Variants in LMAN1 observed in about 807,000 individuals in gnomAD.
LMAN1 encodes protein ERGIC-53.
LMAN1 carries 32 observed loss-of-function variants against 67.8 expected under a neutral mutation model. The ratio of observed to expected loss-of-function variants is 0.47; its 90% confidence interval spans 0.36 to 0.63. The LOEUF (loss-of-function observed/expected upper bound fraction) is 0.63. Among genes scored for constraint, LMAN1 ranks in the 30% least tolerant of loss-of-function variants. LMAN1 has a pLI of 0.00. For synonymous variants in LMAN1, 235 were observed against 219.3 expected (o/e 1.07, Z -0.63); for missense variants, 632 against 628.2 (o/e 1.01, Z -0.06).
chr18:59,335,572 T>G (rs549626480), intron 10 of LMAN1, among the ~76,000 whole-genome samples: 1 of 151,652 alleles, frequency 6.6e-6, no homozygotes, highest in Non-Finnish European at 1.5e-5. Flanking sequence ...AAGGGGAGGA[T>G]GGGAAAGTGG....
At chr18:59,358,346 C>T (rs1408114463) in intron 1 of LMAN1, among the ~76,000 whole-genome samples, 1 of 152,166 alleles carries the variant, frequency 6.6e-6, no homozygotes, top group African/African-American at 2.4e-5. Flanking sequence ...AAAAATATAT[C>T]CCTTCTCCTA....
chr18:59,344,759 T>C (rs946593356), intron 8 of LMAN1, among the ~76,000 whole-genome samples: 1 of 152,058 alleles, frequency 6.6e-6, no homozygotes, highest in Non-Finnish European at 1.5e-5. Context: ...GACACAAGCA[T>C]ATAAGAAATC....
chr18:59,346,979 C>T (rs1311206373), intron 7 of LMAN1, among the ~76,000 whole-genome samples: 1 of 151,744 alleles, frequency 6.6e-6, no homozygotes, highest in Non-Finnish European at 1.5e-5. Context: ...ACCTGTAATC[C>T]CAGCACTTTG....
At chr18:59,336,675 G>A (rs1391530994) in intron 10 of LMAN1, among the ~76,000 whole-genome samples, 1 of 152,124 alleles carries the variant, frequency 6.6e-6, no homozygotes, top group Admixed American at 6.6e-5. Context: ...CTTGAGCCCA[G>A]GAGTTTGAGA....
At chr18:59,342,232 T>C (rs1908304617) in intron 8 of LMAN1, among the ~76,000 whole-genome samples, 1 of 152,050 alleles carries the variant, frequency 6.6e-6, no homozygotes, top group South Asian at 2.1e-4. Context: ...GACTTATAGC[T>C]GAATTCTATC....
At chr18:59,335,299 G>A (rs138660858) in intron 10 of LMAN1, among the ~76,000 whole-genome samples, 1 of 152,194 alleles carries the variant, frequency 6.6e-6, no homozygotes, top group African/African-American at 2.4e-5. Flanking sequence ...CAGGCATGGT[G>A]TCAGGTGCCT....
intron 8 of LMAN1, among the ~76,000 whole-genome samples, chr18:59,340,473 G>T (rs1304767677): frequency 6.6e-6 from 1 of 151,880 alleles, no homozygotes; most frequent in Non-Finnish European, 1.5e-5. Context: ...GAAAGGAATG[G>T]GCATTCTCAA....
chr18:59,336,670 G>A (rs1908154868), intron 10 of LMAN1, among the ~76,000 whole-genome samples: 1 of 152,142 alleles, frequency 6.6e-6, no homozygotes, highest in South Asian at 2.1e-4. Context: ...GACTGCTTGA[G>A]CCCAGGAGTT....
intron 12 of LMAN1, 135 bp from the exon 13 acceptor site, chr18:59,331,264 G>A (rs1385247168): frequency 1.2e-5 from 13 of 1,046,774 alleles, no homozygotes; most frequent in South Asian, 4.1e-5. Flanking sequence ...TATTCTACAC[G>A]TGCACTTTAT....
At chr18:59,334,980 C>T (rs541909822) in intron 10 of LMAN1, among the ~76,000 whole-genome samples, 1 of 152,064 alleles carries the variant, frequency 6.6e-6, no homozygotes, top group African/African-American at 2.4e-5. Flanking sequence ...TTGTTAACTC[C>T]TCTAAGAAAG....
intron 8 of LMAN1, 40 bp from the exon 9 acceptor site, chr18:59,338,993 A>T (rs1193988149): frequency 1.3e-6 from 2 of 1,563,898 alleles, no homozygotes; most frequent in Non-Finnish European, 1.8e-6. Context: ...AGTCACCTAC[A>T]CATATGTAGT....
At chr18:59,347,949 T>C (rs891145049) in intron 6 of LMAN1, among the ~76,000 whole-genome samples, 1 of 152,268 alleles carries the variant, frequency 6.6e-6, no homozygotes, top group African/African-American at 2.4e-5. Context: ...ATCTCCTTCA[T>C]GGACAACGTC....
At chr18:59,354,002 A>G (rs888013616) in intron 4 of LMAN1, among the ~76,000 whole-genome samples, 39 of 152,286 alleles carry the variant, frequency 2.6e-4, no homozygotes, top group Admixed American at 6.5e-4. Context: ...AATAATTTGT[A>G]TTATTTTTGA....
chr18:59,350,223 T>C (rs1219958166), intron 5 of LMAN1, among the ~76,000 whole-genome samples: 2 of 152,210 alleles, frequency 1.3e-5, no homozygotes, highest in South Asian at 4.1e-4. Context: ...TAAAAGATCA[T>C]TTAGCATTTG....
In LMAN1 at chr18:59,338,607, A is replaced by G. The variant is rs1908216247; in HGVS notation, c.1170T>C (p.Asp390=). The part of the protein sequence containing the change: ...QHGQITQQEL[D]TVVKTQHEIL... ...TCTCATGCTGAGTTTTCACAACAGT[A>G]TCCAGTTCTTGTTGAGTAATCTGGA... Residue 390 remains aspartate (D), a synonymous_variant, in exon 10 of 13, where the codon GAT becomes GAC. Coordinates refer to ENST00000251047, the MANE Select transcript of LMAN1 (RefSeq NM_005570.4). The G allele has an allele frequency of 1.9e-6, 3 of 1,613,738 alleles. No homozygotes were observed. The South Asian group carries it at 3.3e-5, about 18-fold the overall frequency.
chr18:59,335,106 A>G (rs1908111861), intron 10 of LMAN1, among the ~76,000 whole-genome samples: 1 of 152,200 alleles, frequency 6.6e-6, no homozygotes, highest in African/African-American at 2.4e-5. Context: ...AGTATCTAGA[A>G]TATGCTACCC....
At position 59,345,972 on chromosome 18, in the gene LMAN1, T is replaced by TCCAA. The variant is rs2144222604; in HGVS notation, c.898_901dup (p.Asp301ValfsTer3). ...CTTCTGGAATTCCTCTTTTTTTTTA[T>TCCAA]CCAATTCTTGTTGAAAGTGCTCAAA... is the stretch of plus-strand genomic sequence containing the variant. On this transcript the variant is annotated frameshift_variant, in exon 8 of 13. Coordinates refer to ENST00000251047, the MANE Select transcript of LMAN1 (RefSeq NM_005570.4). LOFTEE classifies it high-confidence loss of function. The TCCAA allele has an allele frequency of 6.2e-7, 1 of 1,613,772 alleles. No individual in the cohort carries two copies. Among genetic ancestry groups the TCCAA allele is most frequent in the East Asian group, 2.2e-5 (1 of 44,878 alleles).
Position 59,331,061 on chromosome 18 carries a change from A to G in LMAN1, c.*32T>C, listed in dbSNP as rs1439220551. 2.0e-6 allele frequency: 3 copies of G among 1,523,504 alleles called. No individual in the cohort carries two copies. The African/African-American group carries it at 4.1e-5, about 21-fold the overall frequency. The allele number at this position is 1,523,504 out of a possible 1,614,324, so 94.4% of individuals were successfully genotyped here. A position where few individuals can be genotyped will look rare whatever the true frequency, so the allele number is the denominator to read the frequency against. ...CCCTCAAAACGACATCATTTTGTAC[A>G]CAAATAGATGAAGTACACAGGAAAA... On this transcript the variant is annotated 3_prime_UTR_variant, in exon 13 of 13. Transcript: ENST00000251047.
rs555761200 is a variant in LMAN1 at position 59,353,248 on chromosome 18, G to A, written c.593C>T (p.Pro198Leu). 8.1e-6 allele frequency: 13 copies of A among 1,614,076 alleles called. No individual in the cohort carries two copies. In the East Asian group the frequency reaches 2.9e-4, roughly 36 times the overall value. The change falls in exon 5 of 13, where the codon CCC becomes CTC. Residue 198 changes from proline (P) to leucine (L), a missense_variant. By Grantham distance (98) the Pro-to-Leu change is moderately conservative (BLOSUM62 -3). Coordinates refer to ENST00000251047, the MANE Select transcript of LMAN1 (RefSeq NM_005570.4). ...GGTAATCTTTGCTCGGACAGGATAGGGTTTGTTGCGGAAGTCCCTCTGGCA... is the reference window on the plus strand; with the variant it reads ...GGTAATCTTTGCTCGGACAGGATAGAGTTTGTTGCGGAAGTCCCTCTGGCA... ...ASCQRDFRNK[P>L]YPVRAKITYY...
Sources: gnomAD v4.1 joint callset for allele counts (sites outside exome capture counted in the v4.1 genomes callset) on GRCh38, gnomAD v4.1.1 for gene constraint, MANE v1.5 for transcripts, NCBI Gene and HGNC (gene_info 2026-07-23, HGNC 2026-07-21) for gene names.